The following VPS52 variants were observed in gnomAD, a reference collection of about 807,000 sequenced individuals.
The protein encoded by VPS52 is VPS52 subunit of GARP complex.
Under a neutral mutation model 98.7 loss-of-function variants are expected in VPS52, and 56 were observed. The ratio of observed to expected loss-of-function variants is 0.57; its 90% CI spans 0.46 to 0.71. The LOEUF is 0.71. Ranked by LOEUF, VPS52 falls within the 30% of genes least tolerant of loss-of-function variation. The pLI is 0.00. For synonymous variants in VPS52, 348 were observed against 346.4 expected, an observed-to-expected ratio of 1.00 and a Z score of -0.05; for missense variants, 742 against 925.9, an observed-to-expected ratio of 0.80 and a Z score of 2.58.
At chr6:33,251,054 G>C in intron 19 of VPS52, 67 bp from the exon 20 acceptor site, 1 of 1,608,576 alleles carries the variant, frequency 6.2e-7, no homozygotes, top group Non-Finnish European at 8.5e-7. Flanking sequence ...TTAAGAATCA[G>C]GTTAGGCGGC....
chr6:33,271,639 C>A lies in VPS52; in HGVS notation c.37G>T (p.Glu13Ter). Residue 13 changes from glutamate to a stop codon, truncating the protein, a stop_gained, in exon 1 of 20, where the codon GAA becomes TAA. Transcript: ENST00000445902. LOFTEE classifies it high-confidence loss of function. ...GAGGTCCCAGCCCGCAACACCAGTT[C>A]CCGGGCCGCAGCCGCCATGGTCGCA... The part of the protein sequence containing the change: ...AAATMAAAAR[E>*]LVLRAGTSDM... 4 of 1,611,142 alleles carry A rather than the reference C, an allele frequency of 2.5e-6. No individual in the cohort carries two copies. Among genetic ancestry groups the A allele is most frequent in the Non-Finnish European group, 3.4e-6 (4 of 1,178,414 alleles).
intron 19 of VPS52, 74 bp downstream of exon 19, chr6:33,251,444 C>T (rs1310995466): frequency 1.1e-5 from 11 of 1,043,002 alleles, no homozygotes; most frequent in Non-Finnish European, 1.6e-5. Context: ...TTAGATGATG[C>T]TGAGCCCAGC....
chr6:33,269,970 G>A (rs1458873145), intron 3 of VPS52, 29 bp downstream of exon 3: 2 of 1,613,826 alleles, frequency 1.2e-6, no homozygotes, highest in Non-Finnish European at 1.7e-6. Flanking sequence ...ATAGATAGAA[G>A]GGCAGATTAG....
rs765896659 is a variant in VPS52, at chr6:33,266,654, C to A, written c.1184G>T (p.Arg395Leu). Residue 395 changes from arginine to leucine, a missense_variant, in exon 12 of 20, where the codon CGC (arginine) becomes CTC (leucine). This residue lies in a region of VPS52 where 590 missense variants were observed against 793.3 expected (regional missense o/e 0.74). Coordinates refer to ENST00000445902, the MANE Select transcript of VPS52 (RefSeq NM_022553.6). Reference sequence around the variant, plus strand: ...AAATTCACAGATGAAAAGGTATTCGCGGCAGGAATTGTCTAGGAGGGCGTA... The same window carrying A: ...AAATTCACAGATGAAAAGGTATTCGAGGCAGGAATTGTCTAGGAGGGCGTA... ...QHYALLDNSC[R>L]EYLFICEFFV... 6.2e-7 allele frequency: 1 copy of A among 1,612,782 alleles called. No individual in the cohort carries two copies. The highest frequency in any genetic ancestry group is 8.5e-7 in the Non-Finnish European group (1 of 1,179,948).
chr6:33,267,460 G>T lies in VPS52; in HGVS notation c.992-139C>A. 7.3e-7 allele frequency: 1 copy of T among 1,364,908 alleles called. No homozygotes were observed. The highest frequency in any genetic ancestry group is 1.4e-5 in the South Asian group (1 of 69,674). 84.5% of individuals were successfully genotyped at this position (1,364,908 alleles called of 1,614,324 possible). A position where few individuals can be genotyped will look rare whatever the true frequency, so the allele number is the denominator to read the frequency against. On this transcript the variant is annotated intron_variant, in intron 10 of 19. Transcript: ENST00000445902. This position sits in a 1 kb window ranked among gnomAD's most constrained non-coding sequence, Gnocchi z 4.2. ...ACTAGGGCCCCACGTGCTGACATCTGTGAATGGGCTTCAGGGTGTCTCTCC... is the reference window on the plus strand; with the variant it reads ...ACTAGGGCCCCACGTGCTGACATCTTTGAATGGGCTTCAGGGTGTCTCTCC...
In VPS52 at chr6:33,268,223, C is replaced by T. The variant is rs2150852362; in HGVS notation, c.700-15G>A. 1 of 1,612,394 alleles carries T rather than the reference C, an allele frequency of 6.2e-7. No individual in the cohort carries two copies. Among genetic ancestry groups the T allele is most frequent in the Non-Finnish European group, 8.5e-7 (1 of 1,179,518 alleles). ...TTCGTCACTGCCTAGATGTGGGGAA[C>T]CAAACACAGGGCATGAAGCTGCAAC... On this transcript the variant is annotated splice_polypyrimidine_tract_variant and intron_variant, in intron 7 of 19. Transcript: ENST00000445902. This position sits in a 1 kb window ranked among gnomAD's most constrained non-coding sequence, Gnocchi z 4.0.
intron 1 of VPS52, 30 bp from the exon 2 acceptor site, chr6:33,270,313 G>T: frequency 6.3e-7 from 1 of 1,582,150 alleles, no homozygotes; most frequent in Non-Finnish European, 8.6e-7. Flanking sequence ...TGGGAGTAGG[G>T]TACGGTGAAA....
chr6:33,267,417 C>G lies in VPS52; in HGVS notation c.992-96G>C, dbSNP rs1044124268. On this transcript the variant is annotated intron_variant, in intron 10 of 19. Transcript: ENST00000445902. The surrounding 1 kb of genome is among the most constrained non-coding windows in gnomAD (Gnocchi z 4.2). ...CCCCAGACAGGCAGACGTGGCCTAGCCAGCCCTCTTTCCCAGTACTAGGGC... is the reference window on the plus strand; with the variant it reads ...CCCCAGACAGGCAGACGTGGCCTAGGCAGCCCTCTTTCCCAGTACTAGGGC... 1.3e-6 allele frequency: 2 copies of G among 1,504,128 alleles called. No individual in the cohort carries two copies. The highest frequency in any genetic ancestry group is 1.4e-5 in the African/African-American group (1 of 71,390). The allele number at this position is 1,504,128 out of a possible 1,614,324, so 93.2% of individuals were successfully genotyped here.
At chr6:33,256,409 G>A in intron 17 of VPS52, among the ~76,000 whole-genome samples, 1 of 136,608 alleles carries the variant, frequency 7.3e-6, no homozygotes, top group Non-Finnish European at 1.5e-5. Context: ...AGGCTGCAGT[G>A]AGCTATGATT....
Position 33,254,206 on chromosome 6 carries a change from A to G in VPS52, c.1795-2235T>C, listed in dbSNP as rs1267493397. Among the ~76,000 whole-genome samples, 6 of 152,018 alleles carry G rather than the reference A, an allele frequency of 3.9e-5. No individual in the cohort carries two copies. In the East Asian group the frequency reaches 1.2e-3, roughly 30 times the overall value. On this transcript the variant is annotated intron_variant, in intron 17 of 19. Coordinates refer to ENST00000445902, the MANE Select transcript of VPS52 (RefSeq NM_022553.6). ...AGAAGAATCACTTGAACCGGGAGGC[A>G]GAGGTTGTAGTGAGCCAAGATCATG...
intron 11 of VPS52, 78 bp from the exon 12 acceptor site, chr6:33,266,790 T>G: frequency 6.6e-7 from 1 of 1,519,078 alleles, no homozygotes; most frequent in Non-Finnish European, 8.9e-7. Flanking sequence ...GGCTGGAAAA[T>G]CAGTAAACCT....
chr6:33,260,999 TA>T (rs1327918772), intron 17 of VPS52, among the ~76,000 whole-genome samples: 164 of 142,884 alleles, frequency 1.1e-3, no homozygotes, highest in Admixed American at 1.3e-3. Flanking sequence ...ACTCCGTCTT[TA>T]AAAAAAAAAA....
At chr6:33,271,449 G>A (rs1390081940) in intron 1 of VPS52, 137 bp downstream of exon 1, 1 of 1,295,958 alleles carries the variant, frequency 7.7e-7, no homozygotes, top group South Asian at 1.3e-5. Flanking sequence ...TCTGATCACA[G>A]GGAAGGGTAC....
In VPS52 at chr6:33,264,914, G is replaced by A; in HGVS notation, c.1282-14C>T. The A allele has an allele frequency of 6.3e-7, 1 of 1,589,342 alleles. No homozygotes were observed. Among genetic ancestry groups the A allele is most frequent in the South Asian group, 1.1e-5 (1 of 90,568 alleles). On this transcript the variant is annotated splice_polypyrimidine_tract_variant and intron_variant, in intron 12 of 19. Coordinates refer to ENST00000445902, the MANE Select transcript of VPS52 (RefSeq NM_022553.6). Reference sequence around the variant, plus strand: ...ATCCAGGTGTTTCTGTGTGATTGGGGAACAAACAGAGGATTAAAAGAGAAT... The same window carrying A: ...ATCCAGGTGTTTCTGTGTGATTGGGAAACAAACAGAGGATTAAAAGAGAAT...
chr6:33,255,574 C>G (rs1403784359), intron 17 of VPS52, among the ~76,000 whole-genome samples: 2 of 147,878 alleles, frequency 1.4e-5, no homozygotes, highest in African/African-American at 5.0e-5. Context: ...ATGACGAGGT[C>G]AGATCAAGAC....
intron 1 of VPS52, 42 bp from the exon 2 acceptor site, chr6:33,270,325 A>C: frequency 6.4e-7 from 1 of 1,553,784 alleles, no homozygotes; most frequent in Non-Finnish European, 8.8e-7. Context: ...ACGGTGAAAG[A>C]CAGAAAGAAA....
At chr6:33,266,800 T>C in intron 11 of VPS52, 88 bp from the exon 12 acceptor site, 1 of 1,498,034 alleles carries the variant, frequency 6.7e-7, no homozygotes, top group Non-Finnish European at 9.0e-7. Flanking sequence ...TCAGTAAACC[T>C]GAGTAATAAG....
Position 33,250,661 on chromosome 6 carries a change from C to T in VPS52, c.*180G>A. On this transcript the variant is annotated 3_prime_UTR_variant, in exon 20 of 20. Coordinates refer to ENST00000445902, the MANE Select transcript of VPS52 (RefSeq NM_022553.6). ...TGAAGACACTGGGATATTCAGAAGG[C>T]CAAGGGGATCCAGCTTATCCTGTTG... 1.3e-6 allele frequency: 1 copy of T among 774,554 alleles called. No homozygotes were observed. Among genetic ancestry groups the T allele is most frequent in the Non-Finnish European group, 2.0e-6 (1 of 498,304 alleles). The allele number at this position is 774,554 out of a possible 1,614,324, so 48.0% of individuals were successfully genotyped here.
intron 12 of VPS52, among the ~76,000 whole-genome samples, chr6:33,266,169 T>G (rs1764286275): frequency 6.6e-6 from 1 of 150,830 alleles, no homozygotes; most frequent in Non-Finnish European, 1.5e-5. Context: ...TATTTTTTTT[T>G]TTTTTTTTTT....
Sources: allele counts gnomAD v4.1 joint callset (sites outside exome capture counted in the v4.1 genomes callset), GRCh38; gene constraint gnomAD v4.1.1; regional missense constraint gnomAD v4.1.1; non-coding constraint Gnocchi (gnomAD v3.1); transcripts MANE v1.5; gene names NCBI Gene and HGNC (gene_info 2026-07-23, HGNC 2026-07-21).